SCHIP1: variants seen among roughly 807,000 people sequenced by gnomAD.
SCHIP1 encodes schwannomin-interacting protein 1.
Under a neutral mutation model 29.7 loss-of-function variants are expected in SCHIP1, and 8 were observed. That is an observed-to-expected ratio of 0.27 (90% CI 0.16 to 0.49). SCHIP1 has a LOEUF of 0.49. Ranked by LOEUF, SCHIP1 falls within the 20% of genes least tolerant of loss-of-function variation. The pLI, the probability that SCHIP1 is intolerant of heterozygous loss-of-function variation, is 0.99. For missense variants in SCHIP1, 193 were observed against 294.6 expected (o/e 0.66, Z 2.52); for synonymous variants, 76 against 94.9 (o/e 0.80, Z 1.16).
chr3:159,290,837 A>G, the SCHIP1 span, among the ~76,000 whole-genome samples: 1 of 152,152 alleles, frequency 6.6e-6, no homozygotes, highest in Admixed American at 6.5e-5. Context: ...GTTGTAAGGA[A>G]TCAAGATTTT....
At chr3:159,539,637 G>A in the SCHIP1 span, among the ~76,000 whole-genome samples, 1 of 135,544 alleles carries the variant, frequency 7.4e-6, no homozygotes, top group East Asian at 2.5e-4. Flanking sequence ...TCTATACTAT[G>A]TCCTGGACCA....
chr3:159,582,838 T>C, the SCHIP1 span, among the ~76,000 whole-genome samples: 1 of 150,536 alleles, frequency 6.6e-6, no homozygotes, highest in South Asian at 2.1e-4. Context: ...ATATCCGTTA[T>C]TCTTAACTCA....
In SCHIP1 at chr3:159,861,221, G is replaced by A. The variant is rs1002836210; in HGVS notation, c.31-4942G>A. Among the ~76,000 whole-genome samples the A allele has an allele frequency of 6.6e-6, 1 of 152,188 alleles. No individual in the cohort carries two copies. The highest frequency in any genetic ancestry group is 2.4e-5 in the African/African-American group (1 of 41,434). On this transcript the variant is annotated intron_variant, in intron 1 of 6. Coordinates refer to ENST00000445224, the Ensembl canonical transcript of SCHIP1. This position sits in a 1 kb window ranked among gnomAD's most constrained non-coding sequence, Gnocchi z 4.1. ...AGTAAGGTGGGCTGGGCCAGAGGCA[G>A]GAAGGCAGAACCTGGGGAGGGGATG... is the stretch of plus-strand genomic sequence containing the variant.
chr3:159,393,978 C>G, the SCHIP1 span, among the ~76,000 whole-genome samples: 3 of 152,076 alleles, frequency 2.0e-5, no homozygotes, highest in African/African-American at 7.2e-5. Flanking sequence ...TTTGTATCCT[C>G]TTTTATCTCA....
At chr3:159,820,299 C>T in the SCHIP1 span, among the ~76,000 whole-genome samples, 6 of 152,144 alleles carry the variant, frequency 3.9e-5, no homozygotes, top group Admixed American at 3.3e-4. Context: ...TTACAGCCCA[C>T]CTCCAGCCCC....
At chr3:159,650,733 A>G in the SCHIP1 span, among the ~76,000 whole-genome samples, 1 of 152,198 alleles carries the variant, frequency 6.6e-6, no homozygotes, top group African/African-American at 2.4e-5. Flanking sequence ...ACAAAGTATG[A>G]TACATTCAGG....
chr3:159,409,917 T>C, the SCHIP1 span, among the ~76,000 whole-genome samples: 2 of 152,024 alleles, frequency 1.3e-5, no homozygotes, highest in African/African-American at 4.8e-5. Flanking sequence ...GGCACTGGCA[T>C]AAAACAGACA....
the SCHIP1 span, among the ~76,000 whole-genome samples, chr3:159,528,974 A>C: frequency 6.6e-6 from 1 of 152,220 alleles, no homozygotes; most frequent in Non-Finnish European, 1.5e-5. Flanking sequence ...ACTTGAGACC[A>C]GCTACCTGAC....
At chr3:159,322,761 T>C in the SCHIP1 span, among the ~76,000 whole-genome samples, 1 of 152,222 alleles carries the variant, frequency 6.6e-6, no homozygotes, top group Non-Finnish European at 1.5e-5. Flanking sequence ...AGTCCTTCCT[T>C]GCTCTACTAA....
chr3:159,293,361 G>A, the SCHIP1 span, among the ~76,000 whole-genome samples: 147 of 152,330 alleles, frequency 9.7e-4, no homozygotes, highest in African/African-American at 3.0e-3. Context: ...GCTGGTCAGC[G>A]CAAGGAAAAG....
chr3:159,541,656 G>A, the SCHIP1 span, among the ~76,000 whole-genome samples: 3 of 151,972 alleles, frequency 2.0e-5, no homozygotes, highest in Admixed American at 1.3e-4. Flanking sequence ...TAAAATTTTT[G>A]TTGTTCCTTA....
chr3:159,409,707 T>C, the SCHIP1 span, among the ~76,000 whole-genome samples: 28 of 152,034 alleles, frequency 1.8e-4, no homozygotes, highest in Non-Finnish European at 3.4e-4. Context: ...TGTCCATATT[T>C]CCCAAAGCAA....
the SCHIP1 span, among the ~76,000 whole-genome samples, chr3:159,735,050 T>G: frequency 6.6e-6 from 1 of 152,106 alleles, no homozygotes; most frequent in East Asian, 1.9e-4. Flanking sequence ...CGTGAAGAAT[T>G]GTTGATTGTT....
At chr3:159,764,592 G>A in the SCHIP1 span, 4 of 1,608,916 alleles carry the variant, frequency 2.5e-6, no homozygotes, top group African/African-American at 5.3e-5. The surrounding 1 kb of genome is among the most constrained non-coding windows in gnomAD (Gnocchi z 6.1). Context: ...TGGACTTGGT[G>A]TCTGCCCTGG....
At chr3:159,341,748 G>A in the SCHIP1 span, among the ~76,000 whole-genome samples, 1 of 152,110 alleles carries the variant, frequency 6.6e-6, no homozygotes, top group African/African-American at 2.4e-5. Flanking sequence ...TTGTTAGGGT[G>A]GGAGTGATGA....
the SCHIP1 span, among the ~76,000 whole-genome samples, chr3:159,482,007 G>C: frequency 1.3e-5 from 2 of 152,042 alleles, no homozygotes; most frequent in African/African-American, 4.8e-5. Context: ...AGGGGAGGTG[G>C]TATGAGCGTA....
chr3:159,752,888 C>A, the SCHIP1 span, among the ~76,000 whole-genome samples: 12 of 152,140 alleles, frequency 7.9e-5, no homozygotes, highest in Non-Finnish European at 1.5e-4. Flanking sequence ...CATTTATTCC[C>A]CAGAATTAAT....
the SCHIP1 span, among the ~76,000 whole-genome samples, chr3:159,683,376 A>C: frequency 1.3e-5 from 2 of 151,878 alleles, no homozygotes; most frequent in Non-Finnish European, 2.9e-5. Context: ...TAAATGTGCT[A>C]TGTAGATCTT....
chr3:159,535,247 G>A, the SCHIP1 span, among the ~76,000 whole-genome samples: 1 of 152,140 alleles, frequency 6.6e-6, no homozygotes, highest in Non-Finnish European at 1.5e-5. Context: ...GACTCTTGGT[G>A]ATTTCTCCTC....
Sources: gnomAD v4.1 joint callset for allele counts (sites outside exome capture counted in the v4.1 genomes callset) on GRCh38, gnomAD v4.1.1 for gene constraint, Gnocchi (gnomAD v3.1) non-coding constraint, MANE v1.5 for transcripts, NCBI Gene and HGNC (gene_info 2026-07-23, HGNC 2026-07-21) for gene names.